PAX7: variants seen among roughly 807,000 people sequenced by gnomAD.
The protein encoded by PAX7 is paired box 7, also known as paired box protein Pax-7.
In PAX7, 18 loss-of-function variants were observed where a neutral mutation model predicts 50.7. The ratio of observed to expected loss-of-function variants is 0.36; its 90% CI spans 0.25 to 0.53. The LOEUF is 0.53. Ranked by LOEUF, PAX7 falls within the 20% of genes least tolerant of loss-of-function variation. The probability of loss-of-function intolerance (pLI) is 0.93; values close to 1 mark genes in which losing one functional copy is unlikely to be tolerated. For synonymous variants in PAX7, 310 were observed against 290.4 expected (o/e 1.07, Z -0.69); for missense variants, 644 against 702.9 (o/e 0.92, Z 0.95).
rs1263834067 is a variant in PAX7 at position 18,681,726 on chromosome 1, TTTTATTTTATTTTATTTTA to T, written c.587-10024_587-10006del. ...TTTTATTTTATTTTATTTTATTTTA[TTTTATTTTATTTTATTTTA>T]TTTTATTTTTATTTTTATTTTTTGA... On this transcript the variant is annotated intron_variant, in intron 4 of 8. Transcript: ENST00000420770. Among the ~76,000 whole-genome samples, 536 of 145,206 alleles carry T rather than the reference TTTTATTTTATTTTATTTTA, an allele frequency of 3.7e-3. 5 individuals are homozygous for T. The highest frequency in any genetic ancestry group is 0.012 in the African/African-American group (454 of 38,790).
intron 4 of PAX7, among the ~76,000 whole-genome samples, chr1:18,674,756 C>T (rs2088801378): frequency 6.6e-6 from 1 of 152,204 alleles, no homozygotes; most frequent in African/African-American, 2.4e-5. Context: ...GCTCTTGCTC[C>T]CTTTCACAGA....
intron 8 of PAX7, 76 bp from the exon 9 acceptor site, chr1:18,744,738 A>ATGGATGGG (rs1931353865): frequency 2.3e-5 from 17 of 753,206 alleles, no homozygotes; most frequent in Non-Finnish European, 4.7e-6. Flanking sequence ...GGATGGATGG[A>ATGGATGGG]TGGGTGTAGA....
Position 18,636,013 on chromosome 1 carries a change from A to C in PAX7, c.452-224A>C, listed in dbSNP as rs2088149225. Among the ~76,000 whole-genome samples the C allele has an allele frequency of 6.6e-6, 1 of 152,152 alleles. No homozygotes were observed. The highest frequency in any genetic ancestry group is 1.5e-5 in the Non-Finnish European group (1 of 68,018). On this transcript the variant is annotated intron_variant, in intron 3 of 8. Coordinates refer to ENST00000420770, the MANE Select transcript of PAX7 (RefSeq NM_001135254.2). This position sits in a 1 kb window ranked among gnomAD's most constrained non-coding sequence, Gnocchi z 5.1. ...TGCAAGCATCTGCATAGAAATGCAC[A>C]GTCTAACCACCCTGTGAGTGCCCGG...
chr1:18,687,239 C>T (rs1165426924), intron 4 of PAX7, among the ~76,000 whole-genome samples: 1 of 152,038 alleles, frequency 6.6e-6, no homozygotes, highest in African/African-American at 2.4e-5. Context: ...GGGAGGGAGG[C>T]ATACAAGGGT....
intron 4 of PAX7, among the ~76,000 whole-genome samples, chr1:18,671,855 T>C (rs1477191036): frequency 6.6e-6 from 1 of 151,406 alleles, no homozygotes; most frequent in Non-Finnish European, 1.5e-5. Context: ...TGCCCACCTG[T>C]AGTCCTAGCT....
intron 7 of PAX7, among the ~76,000 whole-genome samples, chr1:18,729,261 A>G (rs965373190): frequency 6.6e-6 from 1 of 152,162 alleles, no homozygotes; most frequent in African/African-American, 2.4e-5. Flanking sequence ...CTGGAGGTGG[A>G]CCTGAGGCTT....
In PAX7 at chr1:18,719,000, C is replaced by T. The variant is rs114686695; in HGVS notation, c.1155+15704C>T. On this transcript the variant is annotated intron_variant, in intron 7 of 8. Coordinates refer to ENST00000420770, the MANE Select transcript of PAX7 (RefSeq NM_001135254.2). ...GTGTCTGCTTGAAATGAACTGAGAT[C>T]CCCCTCCCCAGCAATCTCAGAGCTA... 5.7e-3 allele frequency among the ~76,000 whole-genome samples: 869 copies of T among 152,232 alleles called. 9 individuals are homozygous for T. Among genetic ancestry groups the T allele is most frequent in the African/African-American group, 0.02 (820 of 41,514 alleles).
At chr1:18,655,670 C>A (rs1468258014) in intron 4 of PAX7, among the ~76,000 whole-genome samples, 2 of 152,182 alleles carry the variant, frequency 1.3e-5, no homozygotes, top group Non-Finnish European at 2.9e-5. Context: ...TCAACTTGAC[C>A]AGGTTCCCCC....
chr1:18,649,827 C>CCCTA (rs1359206864), intron 4 of PAX7, among the ~76,000 whole-genome samples: 1 of 152,244 alleles, frequency 6.6e-6, no homozygotes, highest in Non-Finnish European at 1.5e-5. Context: ...CATGCAGAGG[C>CCCTA]CCTAGCCTGA....
At chr1:18,676,448 G>A (rs796882904) in intron 4 of PAX7, among the ~76,000 whole-genome samples, 3 of 135,716 alleles carry the variant, frequency 2.2e-5, no homozygotes, top group African/African-American at 8.0e-5. Flanking sequence ...GCCTCTCGCT[G>A]CCCAGCGACC....
In PAX7 at chr1:18,636,139, A is replaced by G. The variant is rs2088151433; in HGVS notation, c.452-98A>G. ...AGGGATGAATGGATATCTGTAAGGA[A>G]GCAGGGGGCTTCCTGACTTTCTCCC... On this transcript the variant is annotated intron_variant, in intron 3 of 8. Transcript: ENST00000420770. This position sits in a 1 kb window ranked among gnomAD's most constrained non-coding sequence, Gnocchi z 5.1. 3 of 1,254,240 alleles carry G rather than the reference A, an allele frequency of 2.4e-6. No individual in the cohort carries two copies. Among genetic ancestry groups the G allele is most frequent in the East Asian group, 2.3e-5 (1 of 42,896 alleles). 77.7% of individuals were successfully genotyped at this position (1,254,240 alleles called of 1,614,324 possible).
intron 5 of PAX7, among the ~76,000 whole-genome samples, chr1:18,697,258 T>C (rs1486359085): frequency 1.3e-5 from 2 of 152,186 alleles, no homozygotes; most frequent in South Asian, 4.1e-4. Flanking sequence ...ACCCAGCGCC[T>C]GCTTTCAAAG....
chr1:18,738,165 T>C (rs571118219), intron 8 of PAX7, among the ~76,000 whole-genome samples: 8 of 152,164 alleles, frequency 5.3e-5, no homozygotes, highest in Non-Finnish European at 1.2e-4. Flanking sequence ...TGTGTGAATG[T>C]GTACGTGGGG....
At chr1:18,723,818 G>C (rs995484300) in intron 7 of PAX7, among the ~76,000 whole-genome samples, 1 of 152,180 alleles carries the variant, frequency 6.6e-6, no homozygotes, top group Admixed American at 6.5e-5. Flanking sequence ...TGGCTGAGGG[G>C]GAGAGAGGGA....
chr1:18,650,051 C>T (rs1026535654), intron 4 of PAX7, among the ~76,000 whole-genome samples: 2 of 152,140 alleles, frequency 1.3e-5, no homozygotes, highest in African/African-American at 4.8e-5. Context: ...AGCCTGTTTC[C>T]CCATGGATAG....
At position 18,631,598 on chromosome 1, in the gene PAX7, G is replaced by GC; in HGVS notation, c.-5dup. ...GACTTTGGATTCGTCCCCGGCGTGC[G>GC]CAAGAATGGCGGCCCTTCCCGGCAC... On this transcript the variant is annotated 5_prime_UTR_variant, in exon 1 of 9. Coordinates refer to ENST00000420770, the MANE Select transcript of PAX7 (RefSeq NM_001135254.2). 1 of 1,611,400 alleles carries GC rather than the reference G, an allele frequency of 6.2e-7. No individual in the cohort carries two copies. The highest frequency in any genetic ancestry group is 8.5e-7 in the Non-Finnish European group (1 of 1,179,126).
chr1:18,713,930 G>C (rs550132127), intron 7 of PAX7, among the ~76,000 whole-genome samples: 102 of 152,340 alleles, frequency 6.7e-4, no homozygotes, highest in African/African-American at 2.3e-3. Context: ...CACGTGCTCA[G>C]CCGGGCACAG....
In PAX7 at chr1:18,632,782, G is replaced by T. The variant is rs930329256; in HGVS notation, c.85+1094G>T. ...TCCCTTGGGCAGCGAGACGGCGCCG[G>T]GTCCCTGAATTAGACAGAGGCGAAG... On this transcript the variant is annotated intron_variant, in intron 1 of 8. Transcript: ENST00000420770. The surrounding 1 kb of genome is among the most constrained non-coding windows in gnomAD (Gnocchi z 6.3). Among the ~76,000 whole-genome samples the T allele has an allele frequency of 6.6e-6, 1 of 152,172 alleles. No homozygotes were observed. The highest frequency in any genetic ancestry group is 1.5e-5 in the Non-Finnish European group (1 of 68,034).
rs535144481 is a variant in PAX7 at position 18,655,213 on chromosome 1, C to T, written c.586+18842C>T. ...CTTTCCAGGGGCCAGAAGCTGGTCT[C>T]CCTGGATTCCAGTTTCCACGGTCAG... On this transcript the variant is annotated intron_variant, in intron 4 of 8. Coordinates refer to ENST00000420770, the MANE Select transcript of PAX7 (RefSeq NM_001135254.2). 3.9e-5 allele frequency among the ~76,000 whole-genome samples: 6 copies of T among 152,328 alleles called. No homozygotes were observed. The East Asian group carries it at 5.8e-4, about 15-fold the overall frequency.
Sources: allele counts gnomAD v4.1 joint callset (sites outside exome capture counted in the v4.1 genomes callset), GRCh38; gene constraint gnomAD v4.1.1; non-coding constraint Gnocchi (gnomAD v3.1); transcripts MANE v1.5; gene names NCBI Gene and HGNC (gene_info 2026-07-23, HGNC 2026-07-21).